CRYBG2: variants seen among roughly 807,000 people sequenced by gnomAD.
CRYBG2 encodes crystallin beta-gamma domain containing 2, also known as beta/gamma crystallin domain-containing protein 2.
Under a neutral mutation model 153.4 loss-of-function variants are expected in CRYBG2, and 106 were observed. The observed-to-expected ratio is 0.69, with a 90% confidence interval of 0.59 to 0.81. CRYBG2 has a LOEUF of 0.81. CRYBG2 is among the 30% of genes least tolerant of loss of function. The pLI is 0.00. For synonymous variants in CRYBG2, 851 were observed against 877.8 expected (o/e 0.97, Z 0.54); for missense variants, 1,996 against 2,112.0 (o/e 0.95, Z 1.08).
intron 1 of CRYBG2, among the ~76,000 whole-genome samples, chr1:26,351,679 A>G (rs1420210667): frequency 6.6e-6 from 1 of 151,996 alleles, no homozygotes; most frequent in African/African-American, 2.4e-5. Context: ...AACCAGCCCA[A>G]CCCCTGGACA....
intron 17 of CRYBG2, among the ~76,000 whole-genome samples, chr1:26,327,613 C>T (rs1036609019): frequency 1.3e-5 from 2 of 151,298 alleles, no homozygotes; most frequent in African/African-American, 4.9e-5. Flanking sequence ...CGTGCCATTG[C>T]ACTCCAACCT....
In CRYBG2 at chr1:26,345,936, A is replaced by T. The variant is rs1429089700; in HGVS notation, c.722T>A (p.Leu241His). The change falls in exon 2 of 20, where the codon CTC becomes CAC. Residue 241 changes from leucine to histidine, a missense_variant. Coordinates refer to ENST00000308182, the MANE Select transcript of CRYBG2 (RefSeq NM_001039775.4). ...RSQAVKVLSN[L>H]VPAGHSPPAS... ...AGGGGGGCTGTGCCCAGCAGGCACG[A>T]GGTTACTTAGCACTTTCACGGCCTG... is the stretch of plus-strand genomic sequence containing the variant. 6.3e-7 allele frequency: 1 copy of T among 1,595,980 alleles called. No homozygotes were observed.
intron 14 of CRYBG2, among the ~76,000 whole-genome samples, chr1:26,335,514 T>C (rs2074043877): frequency 6.8e-6 from 1 of 148,120 alleles, no homozygotes; most frequent in Admixed American, 6.7e-5. Flanking sequence ...ACTACTGGGG[T>C]CGGCCAGGCA....
chr1:26,344,299 G>A lies in CRYBG2; in HGVS notation c.2359C>T (p.Arg787Ter), dbSNP rs778911873. Reference sequence around the variant, plus strand: ...GACAGGTAGGAGGAGCGAGGGGCTCGTGGCAGCCGGTGAGTGCGGAGGATC... The same window carrying A: ...GACAGGTAGGAGGAGCGAGGGGCTCATGGCAGCCGGTGAGTGCGGAGGATC... ...PEILRTHRLPRAPRSSYLSMY... is the reference protein window; with the variant it reads ...PEILRTHRLP The change falls in exon 2 of 20, where the codon CGA (arginine) becomes TGA (stop). Residue 787 changes from arginine (R) to a stop codon, truncating the protein, a stop_gained. Transcript: ENST00000308182. LOFTEE classifies it high-confidence loss of function. The A allele has an allele frequency of 2.7e-5, 41 of 1,510,590 alleles. No individual in the cohort carries two copies. Among genetic ancestry groups the A allele is most frequent in the African/African-American group, 1.5e-4 (11 of 71,930 alleles). The allele number at this position is 1,510,590 out of a possible 1,614,324, so 93.6% of individuals were successfully genotyped here.
rs1439229320 is a variant in CRYBG2 at position 26,344,138 on chromosome 1, A to T, written c.2520T>A (p.Ser840Arg). 1 of 1,535,652 alleles carries T rather than the reference A, an allele frequency of 6.5e-7. No homozygotes were observed. The highest frequency in any genetic ancestry group is 1.2e-5 in the South Asian group (1 of 84,050). Reference sequence around the variant, plus strand: ...GCCTGCGCTGGAGCTTCTCATCGTCACTCAGATAGGGGTTCTCTGGTTCCT... The same window carrying T: ...GCCTGCGCTGGAGCTTCTCATCGTCTCTCAGATAGGGGTTCTCTGGTTCCT... ...EEEEPENPYLSDDEKLQRRQE... is the reference protein window; with the variant it reads ...EEEEPENPYLRDDEKLQRRQE... Residue 840 changes from serine (S) to arginine (R), a missense_variant, in exon 2 of 20, where the codon AGT (serine) becomes AGA (arginine). By Grantham distance (110) the Ser-to-Arg change is moderately radical (BLOSUM62 -1). Transcript: ENST00000308182.
chr1:26,349,497 G>A (rs900710713), intron 1 of CRYBG2, among the ~76,000 whole-genome samples: 1 of 152,082 alleles, frequency 6.6e-6, no homozygotes, highest in African/African-American at 2.4e-5. Flanking sequence ...TGGAGGGGTG[G>A]GGCCTGGGTC....
intron 1 of CRYBG2, among the ~76,000 whole-genome samples, chr1:26,352,372 A>G (rs964860920): frequency 1.3e-5 from 2 of 152,090 alleles, no homozygotes; most frequent in African/African-American, 4.8e-5. Flanking sequence ...TCACATACAG[A>G]CAGAAACACA....
intron 17 of CRYBG2, among the ~76,000 whole-genome samples, chr1:26,327,481 C>A (rs369660218): frequency 4.7e-5 from 7 of 148,540 alleles, no homozygotes; most frequent in Admixed American, 1.3e-4. Flanking sequence ...AAACAAAAAA[C>A]AAAAAAAAAA....
intron 18 of CRYBG2, among the ~76,000 whole-genome samples, chr1:26,323,362 G>T (rs995328794): frequency 1.3e-5 from 2 of 152,136 alleles, no homozygotes; most frequent in Admixed American, 6.6e-5. Flanking sequence ...TGTGATTACA[G>T]GAGTGAGCCA....
intron 14 of CRYBG2, among the ~76,000 whole-genome samples, chr1:26,334,011 G>T (rs1241015792): frequency 6.6e-6 from 1 of 152,064 alleles, no homozygotes; most frequent in African/African-American, 2.4e-5. Flanking sequence ...TCAAGACAGG[G>T]TCTCCTTATG....
At chr1:26,337,768 C>G (rs1326827760) in intron 8 of CRYBG2, 94 bp from the exon 9 acceptor site, 2 of 1,495,936 alleles carry the variant, frequency 1.3e-6, no homozygotes, top group African/African-American at 2.8e-5. Flanking sequence ...ATGTGGCACC[C>G]CCCAGCCCTC....
intron 1 of CRYBG2, among the ~76,000 whole-genome samples, chr1:26,349,355 AG>A (rs1013166344): frequency 3.9e-5 from 6 of 152,064 alleles, no homozygotes; most frequent in Non-Finnish European, 8.8e-5. Context: ...GAGGTTGTCA[AG>A]CAGGGATTTA....
intron 17 of CRYBG2, chr1:26,324,641 C>T (rs7544018): frequency 1.0e-5 from 2 of 198,938 alleles, no homozygotes; most frequent in Non-Finnish European, 2.1e-5. Flanking sequence ...GACACAAACA[C>T]ATGGATACAT....
Position 26,341,564 on chromosome 1 carries a change from G to A in CRYBG2, c.3204+1190C>T, listed in dbSNP as rs145679074. On this transcript the variant is annotated intron_variant, in intron 5 of 19. Coordinates refer to ENST00000308182, the MANE Select transcript of CRYBG2 (RefSeq NM_001039775.4). ...TGCAATGGCATGATCTCAGCTCACC[G>A]CAACTTCCGCCTCCCGAGTTCAAGC... 1.3e-4 allele frequency among the ~76,000 whole-genome samples: 19 copies of A among 151,974 alleles called. No homozygotes were observed. In the East Asian group the frequency reaches 2.9e-3, roughly 24 times the overall value.
chr1:26,322,814 CA>C (rs1006889982), intron 18 of CRYBG2, among the ~76,000 whole-genome samples: 1 of 152,144 alleles, frequency 6.6e-6, no homozygotes, highest in African/African-American at 2.4e-5. Context: ...AAGTAAAAGA[CA>C]AAACCTCTCA....
At position 26,344,007 on chromosome 1, in the gene CRYBG2, T is replaced by G; in HGVS notation, c.2651A>C (p.Lys884Thr). The G allele has an allele frequency of 6.5e-7, 1 of 1,536,198 alleles. No individual in the cohort carries two copies. Among genetic ancestry groups the G allele is most frequent in the East Asian group, 2.4e-5 (1 of 40,910 alleles). The change falls in exon 2 of 20, where the codon AAG (lysine) becomes ACG (threonine). Residue 884 changes from lysine to threonine, a missense_variant. Coordinates refer to ENST00000308182, the MANE Select transcript of CRYBG2 (RefSeq NM_001039775.4). ...EMMKKHVAGT[K>T]GPHSELGLEL... ...CAATCCCAGCTCTGAGTGGGGGCCC[T>G]TGGTTCCTGCTACATGCTTCTTCAT...
chr1:26,336,830 G>C lies in CRYBG2; in HGVS notation c.3911+11C>G, dbSNP rs1449972150. Reference sequence around the variant, plus strand: ...CGGGCCCGCCCCGCTCCCGGAGCCCGGGTCACTTACACGCCGCTGAGCACG... The same window carrying C: ...CGGGCCCGCCCCGCTCCCGGAGCCCCGGTCACTTACACGCCGCTGAGCACG... On this transcript the variant is annotated intron_variant, in intron 11 of 19. Coordinates refer to ENST00000308182, the MANE Select transcript of CRYBG2 (RefSeq NM_001039775.4). This position sits in a 1 kb window ranked among gnomAD's most constrained non-coding sequence, Gnocchi z 4.9. 1 of 1,579,882 alleles carries C rather than the reference G, an allele frequency of 6.3e-7. No individual in the cohort carries two copies. Among genetic ancestry groups the C allele is most frequent in the Non-Finnish European group, 8.6e-7 (1 of 1,164,716 alleles).
chr1:26,322,590 A>G (rs957363661), intron 18 of CRYBG2, among the ~76,000 whole-genome samples: 1 of 152,214 alleles, frequency 6.6e-6, no homozygotes, highest in Non-Finnish European at 1.5e-5. Context: ...CTTCCAAAGC[A>G]TAGGCTTTAG....
intron 1 of CRYBG2, among the ~76,000 whole-genome samples, chr1:26,350,198 G>A (rs932245818): frequency 3.3e-5 from 5 of 152,076 alleles, no homozygotes; most frequent in Non-Finnish European, 5.9e-5. Flanking sequence ...GAGCCCCCTC[G>A]GGACTCTGCA....
Sources: allele counts gnomAD v4.1 joint callset (sites outside exome capture counted in the v4.1 genomes callset), GRCh38; gene constraint gnomAD v4.1.1; non-coding constraint Gnocchi (gnomAD v3.1); transcripts MANE v1.5; gene names NCBI Gene and HGNC (gene_info 2026-07-23, HGNC 2026-07-21).